STAG1: variants seen among roughly 807,000 people sequenced by gnomAD.
STAG1 encodes STAG1 cohesin complex component, also known as cohesin subunit SA-1.
In STAG1, 26 loss-of-function variants were observed where a neutral mutation model predicts 170.9. The observed-to-expected ratio is 0.15, with a 90% CI of 0.11 to 0.21. The LOEUF (loss-of-function observed/expected upper bound fraction) is 0.21, where lower values mean the gene tolerates loss of function less well. Among genes scored for constraint, STAG1 ranks in the 10% least tolerant of loss-of-function variants. The probability of loss-of-function intolerance (pLI) is 1.00; values close to 1 mark genes in which losing one functional copy is unlikely to be tolerated. For missense variants in STAG1, 964 were observed against 1,509.5 expected, an observed-to-expected ratio of 0.64 and a Z score of 5.99; for synonymous variants, 514 against 497.7, an observed-to-expected ratio of 1.03 and a Z score of -0.44.
chr3:136,472,357 T>C (rs2089648262), intron 12 of STAG1, 56 bp downstream of exon 12: 3 of 1,312,226 alleles, frequency 2.3e-6, no homozygotes, highest in Non-Finnish European at 2.2e-6. Flanking sequence ...TTAAAAATCC[T>C]GGGGAAAAGG....
chr3:136,662,232 G>A (rs1437858586), intron 1 of STAG1, among the ~76,000 whole-genome samples: 1 of 150,512 alleles, frequency 6.6e-6, no homozygotes, highest in African/African-American at 2.4e-5. Flanking sequence ...GCTCACTGCA[G>A]TCTCTGCCTC....
chr3:136,640,798 G>A (rs576301757), intron 1 of STAG1, among the ~76,000 whole-genome samples: 4 of 149,564 alleles, frequency 2.7e-5, no homozygotes, highest in South Asian at 2.1e-4. Flanking sequence ...TCAGCCTCCC[G>A]AGTAGTTGGG....
intron 14 of STAG1, among the ~76,000 whole-genome samples, chr3:136,450,143 TA>T (rs936826351): frequency 3.3e-5 from 5 of 152,180 alleles, no homozygotes; most frequent in African/African-American, 9.7e-5. Flanking sequence ...AGTGTTTTAC[TA>T]AAAAAATTCA....
At chr3:136,734,118 AAAAAAC>A (rs1435586107) in intron 1 of STAG1, among the ~76,000 whole-genome samples, 12 of 151,292 alleles carry the variant, frequency 7.9e-5, no homozygotes, top group Non-Finnish European at 1.8e-4. Context: ...CAAAAAAAAA[AAAAAAC>A]AAAACAAAAC....
chr3:136,590,569 C>G (rs965156502), intron 4 of STAG1, among the ~76,000 whole-genome samples: 1 of 151,884 alleles, frequency 6.6e-6, no homozygotes, highest in South Asian at 2.1e-4. Flanking sequence ...TAGCACTTTC[C>G]TACTTTTATG....
At chr3:136,366,916 G>GA (rs1456813562) in intron 25 of STAG1, 27 bp downstream of exon 25, 5 of 1,528,388 alleles carry the variant, frequency 3.3e-6, no homozygotes, top group Non-Finnish European at 4.4e-6. Flanking sequence ...TTAGAGGAAG[G>GA]AGAAAAATAA....
chr3:136,591,572 T>A (rs904206481), intron 4 of STAG1: 59 of 411,544 alleles, frequency 1.4e-4, no homozygotes, highest in East Asian at 2.5e-4. Flanking sequence ...AAAAAAAAAA[T>A]TATCTGTTAA....
At chr3:136,592,751 C>T (rs966147455) in intron 4 of STAG1, among the ~76,000 whole-genome samples, 1 of 152,172 alleles carries the variant, frequency 6.6e-6, no homozygotes, top group African/African-American at 2.4e-5. Context: ...AGATTACCAG[C>T]AGAAGGACTC....
At chr3:136,478,658 G>A (rs1008711818) in intron 9 of STAG1, among the ~76,000 whole-genome samples, 2 of 152,054 alleles carry the variant, frequency 1.3e-5, no homozygotes, top group African/African-American at 4.8e-5. Flanking sequence ...AAAATTCCTT[G>A]CTCTAATAAG....
chr3:136,671,000 ACCGG>A (rs1941964028), intron 1 of STAG1, among the ~76,000 whole-genome samples: 2 of 151,906 alleles, frequency 1.3e-5, no homozygotes, highest in South Asian at 4.2e-4. Flanking sequence ...AAAGGAAAGT[ACCGG>A]CCGGGTGTGG....
chr3:136,431,554 A>C (rs1282821085), intron 16 of STAG1, among the ~76,000 whole-genome samples: 2 of 152,094 alleles, frequency 1.3e-5, no homozygotes, highest in African/African-American at 2.4e-5. Context: ...ACAGGCGTGA[A>C]CCACTGTGCC....
chr3:136,415,964 A>G (rs1194018672), intron 21 of STAG1, among the ~76,000 whole-genome samples: 1 of 152,142 alleles, frequency 6.6e-6, no homozygotes, highest in Non-Finnish European at 1.5e-5. Context: ...CTTCATACAC[A>G]TGGTTAAAAA....
chr3:136,463,668 A>G (rs1009083422), intron 13 of STAG1, among the ~76,000 whole-genome samples: 2 of 148,762 alleles, frequency 1.3e-5, no homozygotes, highest in Non-Finnish European at 1.5e-5. Flanking sequence ...ACTTCAGGCC[A>G]GGAGTTCAAG....
chr3:136,594,888 A>C (rs1029486168), intron 4 of STAG1, among the ~76,000 whole-genome samples: 3 of 152,098 alleles, frequency 2.0e-5, no homozygotes, highest in African/African-American at 7.2e-5. Flanking sequence ...TTCCCAACTC[A>C]GCCTCCTGAG....
Position 136,383,452 on chromosome 3 carries a change from A to C in STAG1, c.2278-5700T>G, listed in dbSNP as rs752988047. 5.8e-4 allele frequency among the ~76,000 whole-genome samples: 88 copies of C among 152,312 alleles called. 1 individual carries two copies. Among genetic ancestry groups the C allele is most frequent in the Middle Eastern group, 3.4e-3 (1 of 294 alleles). ...CATATTATGGATACTGTCACTTCTC[A>C]TCTGCTATAATAGCTGTAATTCATT... On this transcript the variant is annotated intron_variant, in intron 22 of 33. Transcript: ENST00000383202.
chr3:136,340,151 A>G (rs993211034), intron 32 of STAG1, among the ~76,000 whole-genome samples: 3 of 152,096 alleles, frequency 2.0e-5, no homozygotes, highest in Non-Finnish European at 4.4e-5. Context: ...GAATAAGAGG[A>G]TAATTTTTTT....
intron 1 of STAG1, among the ~76,000 whole-genome samples, chr3:136,734,908 G>C (rs527538565): frequency 2.2e-4 from 34 of 152,244 alleles, no homozygotes; most frequent in Non-Finnish European, 4.9e-4. Flanking sequence ...AAATAAGCCA[G>C]GCAAATACCT....
intron 1 of STAG1, among the ~76,000 whole-genome samples, chr3:136,677,903 T>C (rs1487693226): frequency 2.7e-5 from 4 of 147,550 alleles, no homozygotes; most frequent in Non-Finnish European, 6.0e-5. Context: ...ATATATAATA[T>C]ATATTATATA....
At chr3:136,478,960 A>C (rs1226112208) in intron 9 of STAG1, among the ~76,000 whole-genome samples, 2 of 152,084 alleles carry the variant, frequency 1.3e-5, no homozygotes, top group Non-Finnish European at 2.9e-5. Context: ...CCTAGCTCAC[A>C]GTTACTATGA....
Sources: allele counts gnomAD v4.1 joint callset (sites outside exome capture counted in the v4.1 genomes callset), GRCh38; gene constraint gnomAD v4.1.1; transcripts MANE v1.5; gene names NCBI Gene and HGNC (gene_info 2026-07-23, HGNC 2026-07-21).